The following SGIP1 variants were observed in gnomAD, a reference collection of about 807,000 sequenced individuals.
SGIP1 encodes SH3-containing GRB2-like protein 3-interacting protein 1.
Under a neutral mutation model 107.5 loss-of-function variants are expected in SGIP1, and 38 were observed. The ratio of observed to expected loss-of-function variants is 0.35; its 90% confidence interval spans 0.27 to 0.46. The LOEUF (loss-of-function observed/expected upper bound fraction) is 0.46. Ranked by LOEUF, SGIP1 falls within the 20% of genes least tolerant of loss-of-function variation. SGIP1 has a pLI of 1.00. For synonymous variants in SGIP1, 365 were observed against 366.1 expected (o/e 1.00, Z 0.03); for missense variants, 929 against 1,019.5 (o/e 0.91, Z 1.21).
chr1:66,635,650 TG>T (rs1455412305), intron 3 of SGIP1, among the ~76,000 whole-genome samples: 4 of 152,232 alleles, frequency 2.6e-5, no homozygotes, highest in Non-Finnish European at 5.9e-5. Flanking sequence ...AATTAAATGC[TG>T]GCTGTATGAG....
intron 9 of SGIP1, 56 bp from the exon 10 acceptor site, chr1:66,670,939 A>G: frequency 1.2e-6 from 1 of 815,274 alleles, no homozygotes; most frequent in East Asian, 3.0e-5. Flanking sequence ...AATAATACAT[A>G]TTGTACATAA....
chr1:66,625,734 G>A (rs1157559483), intron 1 of SGIP1, 113 bp from the exon 2 acceptor site: 1 of 880,648 alleles, frequency 1.1e-6, no homozygotes, highest in South Asian at 1.8e-5. Flanking sequence ...TACAACTTCA[G>A]AAACTTCATT....
chr1:66,671,417 C>T (rs1434224897), intron 10 of SGIP1, among the ~76,000 whole-genome samples: 1 of 152,100 alleles, frequency 6.6e-6, no homozygotes, highest in African/African-American at 2.4e-5. Flanking sequence ...AAATTTTAGT[C>T]AACCAAAGTG....
At chr1:66,664,309 G>A (rs956057366) in intron 8 of SGIP1, among the ~76,000 whole-genome samples, 2 of 152,052 alleles carry the variant, frequency 1.3e-5, no homozygotes, top group East Asian at 1.9e-4. Context: ...GGATTCAATA[G>A]GTAGCAGTAT....
chr1:66,681,944 C>G lies in SGIP1; in HGVS notation c.890C>G (p.Pro297Arg). 6.2e-7 allele frequency: 1 copy of G among 1,614,154 alleles called. No individual in the cohort carries two copies. The highest frequency in any genetic ancestry group is 8.5e-7 in the Non-Finnish European group (1 of 1,180,026). The change falls in exon 15 of 25, where the codon CCA becomes CGA. Residue 297 changes from proline to arginine, a missense_variant. Transcript: ENST00000371037. ...AATGACTTGGACAGCATTTTTGGGC[C>G]AGTATTGTCCCCCAAGTCTGTTGCT... is the stretch of plus-strand genomic sequence containing the variant. ...SINDLDSIFG[P>R]VLSPKSVAVN... is the part of the protein sequence containing the mutation.
At chr1:66,740,866 A>T in intron 23 of SGIP1, 144 bp downstream of exon 23, 1 of 614,832 alleles carries the variant, frequency 1.6e-6, no homozygotes. Flanking sequence ...TCAATTAATA[A>T]AAGCAAATAA....
chr1:66,589,174 A>G (rs1398001652), intron 1 of SGIP1, among the ~76,000 whole-genome samples: 5 of 15,166 alleles, frequency 3.3e-4, no homozygotes. Context: ...ATATATATAT[A>G]TATATATATA....
intron 18 of SGIP1, among the ~76,000 whole-genome samples, chr1:66,695,979 A>G (rs1201239813): frequency 6.6e-6 from 1 of 152,250 alleles, no homozygotes; most frequent in African/African-American, 2.4e-5. Flanking sequence ...GGAATGCTGT[A>G]TAAGAGATCA....
intron 1 of SGIP1, among the ~76,000 whole-genome samples, chr1:66,612,583 G>C (rs1012426722): frequency 6.6e-6 from 1 of 152,298 alleles, no homozygotes; most frequent in Middle Eastern, 3.4e-3. Context: ...ATCAATAAAT[G>C]ATATTAATTT....
In SGIP1 at chr1:66,691,414, CTTTATATCT is replaced by C. The variant is rs1349017300; in HGVS notation, c.1570+1101_1570+1109del. On this transcript the variant is annotated intron_variant, in intron 17 of 24. Transcript: ENST00000371037. Reference sequence around the variant, plus strand: ...AGGGAATTTCAACTATATCACGTGCCTTTATATCTTTAATCAAATCCTCCCAAAAGAACC... The same window carrying C: ...AGGGAATTTCAACTATATCACGTGCCTTAATCAAATCCTCCCAAAAGAACC... Among the ~76,000 whole-genome samples the C allele has an allele frequency of 2.6e-5, 4 of 152,138 alleles. No homozygotes were observed. In the East Asian group the frequency reaches 7.7e-4, roughly 29 times the overall value.
chr1:66,731,719 C>G (rs2094018178), intron 20 of SGIP1, among the ~76,000 whole-genome samples: 1 of 152,086 alleles, frequency 6.6e-6, no homozygotes, highest in Admixed American at 6.5e-5. Flanking sequence ...GCATTGTTGA[C>G]CAAGCATGAT....
chr1:66,605,856 G>A (rs998649580), intron 1 of SGIP1, among the ~76,000 whole-genome samples: 1 of 152,098 alleles, frequency 6.6e-6, no homozygotes, highest in Non-Finnish European at 1.5e-5. Context: ...GGCAGTGTGA[G>A]TCTGAACGCT....
intron 19 of SGIP1, among the ~76,000 whole-genome samples, chr1:66,727,828 A>G (rs1170625953): frequency 6.6e-6 from 1 of 152,200 alleles, no homozygotes; most frequent in Non-Finnish European, 1.5e-5. Flanking sequence ...ATGAAGTTAT[A>G]GTGAAGCATA....
At chr1:66,533,939 T>C (rs1424624223), upstream of SGIP1, among the ~76,000 whole-genome samples, 1 of 103,680 alleles carries the variant, frequency 9.6e-6, no homozygotes, top group Non-Finnish European at 2.0e-5. Flanking sequence ...CGTCACCAGG[T>C]GGGGAAGGGG....
At chr1:66,664,038 T>G (rs2082046095) in intron 8 of SGIP1, among the ~76,000 whole-genome samples, 1 of 152,160 alleles carries the variant, frequency 6.6e-6, no homozygotes, top group Non-Finnish European at 1.5e-5. Context: ...TTGGGCCACT[T>G]TTAGTCCTCT....
intron 7 of SGIP1, among the ~76,000 whole-genome samples, chr1:66,651,981 G>C (rs1212143056): frequency 6.6e-6 from 1 of 152,126 alleles, no homozygotes; most frequent in Non-Finnish European, 1.5e-5. Flanking sequence ...TGATCAAAAG[G>C]ATGAAATGAG....
intron 7 of SGIP1, among the ~76,000 whole-genome samples, chr1:66,653,651 T>A (rs1021649202): frequency 1.3e-5 from 2 of 152,168 alleles, no homozygotes; most frequent in Non-Finnish European, 2.9e-5. Context: ...TGTAACAAAA[T>A]CAAAATTTCA....
chr1:66,581,306 A>G (rs1280785174), intron 1 of SGIP1, among the ~76,000 whole-genome samples: 2 of 152,034 alleles, frequency 1.3e-5, no homozygotes, highest in African/African-American at 4.8e-5. Context: ...ATGCAAACTC[A>G]GGCAAGTTCT....
intron 18 of SGIP1, among the ~76,000 whole-genome samples, chr1:66,696,005 G>GA (rs1347972419): frequency 6.6e-6 from 1 of 152,044 alleles, no homozygotes; most frequent in East Asian, 1.9e-4. Flanking sequence ...ATCGGGAAAA[G>GA]AAAAAAAGGA....
Sources: allele counts gnomAD v4.1 joint callset (sites outside exome capture counted in the v4.1 genomes callset), GRCh38; gene constraint gnomAD v4.1.1; transcripts MANE v1.5; gene names NCBI Gene and HGNC (gene_info 2026-07-23, HGNC 2026-07-21).